Variants in PIK3C2B observed in about 807,000 individuals in gnomAD.
PIK3C2B encodes phosphatidylinositol 4-phosphate 3-kinase C2 domain-containing subunit beta.
Under a neutral mutation model 184.3 loss-of-function variants are expected in PIK3C2B, and 83 were observed. That is an observed-to-expected ratio of 0.45 (90% CI 0.38 to 0.54). The LOEUF (loss-of-function observed/expected upper bound fraction) is 0.54. PIK3C2B is among the 20% of genes least tolerant of loss of function. The pLI is 0.00. For missense variants in PIK3C2B, 1,736 were observed against 2,113.5 expected (o/e 0.82, Z 3.50); for synonymous variants, 779 against 837.6 (o/e 0.93, Z 1.21).
chr1:204,478,431 G>C (rs946580105), intron 1 of PIK3C2B, among the ~76,000 whole-genome samples: 1 of 152,148 alleles, frequency 6.6e-6, no homozygotes, highest in Non-Finnish European at 1.5e-5. Context: ...AAGCAAGCCG[G>C]CTCCCCCAGC....
chr1:204,466,849 G>T, intron 2 of PIK3C2B: 1 of 533,104 alleles, frequency 1.9e-6, no homozygotes, highest in South Asian at 1.4e-5. Flanking sequence ...TGGCAGCAGG[G>T]GTATCAGGCT....
At chr1:204,428,556 C>G (rs1490235005) in intron 29 of PIK3C2B, among the ~76,000 whole-genome samples, 1 of 152,174 alleles carries the variant, frequency 6.6e-6, no homozygotes, top group Non-Finnish European at 1.5e-5. Flanking sequence ...GATGGAGTCT[C>G]GCTCTGACAC....
chr1:204,468,983 C>T lies in PIK3C2B; in HGVS notation c.820G>A (p.Val274Met), dbSNP rs775520604. Residue 274 changes from valine (V) to methionine (M), a missense_variant, in exon 2 of 33, where the codon GTG (valine) becomes ATG (methionine). Coordinates refer to ENST00000684373, the MANE Select transcript of PIK3C2B (RefSeq NM_001377334.1). ...GGGGGCATAGTCTTGCTCCTGGCCA[C>T]GGGTTTTCCAGAGGTGTCTTTGCTG... Reference protein sequence around the residue: ...DFSKDTSGKPVARSKTMPPQV... With the variant: ...DFSKDTSGKPMARSKTMPPQV... The T allele has an allele frequency of 2.5e-6, 4 of 1,614,068 alleles. No homozygotes were observed. The highest frequency in any genetic ancestry group is 1.7e-5 in the Admixed American group (1 of 60,002).
chr1:204,439,187 C>T, intron 22 of PIK3C2B, 116 bp from the exon 23 acceptor site: 1 of 981,602 alleles, frequency 1.0e-6, no homozygotes, highest in Middle Eastern at 2.2e-4. Context: ...GGCATTTGGA[C>T]TAAGTCTGAT....
intron 11 of PIK3C2B, 78 bp downstream of exon 11, chr1:204,455,778 T>G: frequency 9.1e-7 from 1 of 1,096,498 alleles, no homozygotes; most frequent in South Asian, 1.5e-5. Context: ...GACAGTGGTA[T>G]TACATGCAGA....
intron 5 of PIK3C2B, among the ~76,000 whole-genome samples, chr1:204,463,069 A>G (rs1292044476): frequency 1.3e-5 from 2 of 152,158 alleles, no homozygotes; most frequent in African/African-American, 4.8e-5. Context: ...TCAAAAAAAG[A>G]AAGAAGTCCA....
At chr1:204,452,287 C>CGTTTTTT (rs1558252010) in intron 12 of PIK3C2B, among the ~76,000 whole-genome samples, 1 of 44,388 alleles carries the variant, frequency 2.3e-5, no homozygotes, top group African/African-American at 4.9e-5. Flanking sequence ...TGTGCAGCAC[C>CGTTTTTT]CTTTTTTTTT....
intron 28 of PIK3C2B, chr1:204,431,441 T>C (rs1675048894): frequency 6.9e-6 from 4 of 578,226 alleles, no homozygotes; most frequent in South Asian, 2.2e-5. Flanking sequence ...GATTCAACCA[T>C]GCCTTCCTTT....
chr1:204,430,732 C>CA (rs1675008162), intron 28 of PIK3C2B, among the ~76,000 whole-genome samples: 1 of 151,988 alleles, frequency 6.6e-6, no homozygotes, highest in Admixed American at 6.6e-5. Context: ...GATCTCAGCT[C>CA]ACTGCAACCT....
chr1:204,430,782 C>T (rs1207512596), intron 28 of PIK3C2B, among the ~76,000 whole-genome samples: 1 of 152,050 alleles, frequency 6.6e-6, no homozygotes, highest in Non-Finnish European at 1.5e-5. Context: ...CCTCAGCCTC[C>T]TGAGTAGCTG....
At chr1:204,444,638 A>G (rs1456224727) in intron 16 of PIK3C2B, among the ~76,000 whole-genome samples, 2 of 152,182 alleles carry the variant, frequency 1.3e-5, no homozygotes, top group Non-Finnish European at 2.9e-5. Context: ...GCCTTGAGCC[A>G]TGGGGGAACA....
At chr1:204,450,900 T>C (rs1374542072) in intron 12 of PIK3C2B, among the ~76,000 whole-genome samples, 1 of 152,162 alleles carries the variant, frequency 6.6e-6, no homozygotes, top group African/African-American at 2.4e-5. Flanking sequence ...TGTCACACCC[T>C]CCTGGCCAGC....
intron 2 of PIK3C2B, among the ~76,000 whole-genome samples, chr1:204,468,181 G>A (rs1476117862): frequency 6.6e-6 from 1 of 152,182 alleles, no homozygotes; most frequent in African/African-American, 2.4e-5. Flanking sequence ...CAGTGCCACT[G>A]ACTGCACACT....
chr1:204,424,318 G>A lies in PIK3C2B; in HGVS notation c.*534C>T, dbSNP rs779541296. The A allele has an allele frequency of 3.5e-5, 7 of 198,508 alleles. No individual in the cohort carries two copies. Among genetic ancestry groups the A allele is most frequent in the Non-Finnish European group, 6.3e-5 (6 of 95,894 alleles). The allele number at this position is 198,508 out of a possible 1,614,324, so 12.3% of individuals were successfully genotyped here. On this transcript the variant is annotated 3_prime_UTR_variant, in exon 33 of 33. Transcript: ENST00000684373. The stretch of plus-strand genomic sequence containing the variant: ...CAGATAGTTCCTATAGCTAGAAAAC[G>A]AAACAACAACAACAATAACAAAAAA...
chr1:204,440,042 C>T (rs993738597), intron 22 of PIK3C2B, 150 bp downstream of exon 22: 9 of 750,504 alleles, frequency 1.2e-5, no homozygotes, highest in Admixed American at 3.3e-5. Flanking sequence ...TCTCCCATGC[C>T]TCCCTTTTAA....
intron 19 of PIK3C2B, 26 bp downstream of exon 19, chr1:204,443,391 G>C (rs752579671): frequency 6.2e-7 from 1 of 1,601,396 alleles, no homozygotes; most frequent in South Asian, 1.1e-5. Flanking sequence ...ATGAGAAATG[G>C]GTAGGGGCAG....
At position 204,453,920 on chromosome 1, in the gene PIK3C2B, T is replaced by C. The variant is rs573710247; in HGVS notation, c.2066+749A>G. On this transcript the variant is annotated intron_variant, in intron 12 of 32. Transcript: ENST00000684373. ...TCCCTAGTAGCTGGGATTACAGGCA[T>C]GCGCCACCATGCCCGGCTATTTTGT... Among the ~76,000 whole-genome samples the C allele has an allele frequency of 1.1e-4, 17 of 151,942 alleles. No individual in the cohort carries two copies. In the South Asian group the frequency reaches 2.9e-3, roughly 26 times the overall value.
chr1:204,451,965 G>A (rs905412824), intron 12 of PIK3C2B, among the ~76,000 whole-genome samples: 2 of 152,230 alleles, frequency 1.3e-5, no homozygotes, highest in African/African-American at 4.8e-5. Context: ...GCCCCAGGCT[G>A]CAACTACAGT....
intron 15 of PIK3C2B, among the ~76,000 whole-genome samples, chr1:204,446,840 C>A (rs1653916988): frequency 6.6e-6 from 1 of 152,134 alleles, no homozygotes. Flanking sequence ...ACAACACACG[C>A]ACAGGGCTGC....
Sources: allele counts gnomAD v4.1 joint callset (sites outside exome capture counted in the v4.1 genomes callset), GRCh38; gene constraint gnomAD v4.1.1; transcripts MANE v1.5; gene names NCBI Gene and HGNC (gene_info 2026-07-23, HGNC 2026-07-21).